The following RBM39 variants were observed in gnomAD, a reference collection of about 807,000 sequenced individuals.
RBM39 encodes RNA-binding protein 39.
Under a neutral mutation model 79.6 loss-of-function variants are expected in RBM39, and 12 were observed. The ratio of observed to expected loss-of-function variants is 0.15; its 90% CI spans 0.10 to 0.24. The LOEUF (loss-of-function observed/expected upper bound fraction) is 0.24. Ranked by LOEUF, RBM39 falls within the 10% of genes least tolerant of loss-of-function variation. The pLI is 1.00. For synonymous variants in RBM39, 185 were observed against 208.4 expected, an observed-to-expected ratio of 0.89 and a Z score of 0.97; for missense variants, 243 against 653.4, an observed-to-expected ratio of 0.37 and a Z score of 6.85.
At position 35,703,057 on chromosome 20, in the gene RBM39, TG is replaced by T. The variant is rs892705778; in HGVS notation, c.*1423del. 6.6e-6 allele frequency: 1 copy of T among 151,654 alleles called. No homozygotes were observed. The highest frequency in any genetic ancestry group is 2.4e-5 in the African/African-American group (1 of 41,276). The allele number at this position is 151,654 out of a possible 1,614,324, so 9.4% of individuals were successfully genotyped here. On this transcript the variant is annotated 3_prime_UTR_variant, in exon 17 of 17. Coordinates refer to ENST00000253363, the MANE Select transcript of RBM39 (RefSeq NM_184234.3). Reference sequence around the variant, plus strand: ...CTTCAATGCTAACAAAAAAAAAAGTTGAACAAATGAGGTAAGGAACTCAGTA... The same window carrying T: ...CTTCAATGCTAACAAAAAAAAAAGTTAACAAATGAGGTAAGGAACTCAGTA...
At chr20:35,730,521 T>G (rs1412868305) in intron 4 of RBM39, among the ~76,000 whole-genome samples, 1 of 152,192 alleles carries the variant, frequency 6.6e-6, no homozygotes, top group Admixed American at 6.5e-5. Context: ...ATTTACTGGA[T>G]GTATTACAGT....
At chr20:35,705,600 C>A (rs1451884715) in intron 14 of RBM39, among the ~76,000 whole-genome samples, 1 of 151,844 alleles carries the variant, frequency 6.6e-6, no homozygotes, top group African/African-American at 2.4e-5. Context: ...GAGTTTGAGA[C>A]CAGCCTGGCC....
intron 6 of RBM39, among the ~76,000 whole-genome samples, chr20:35,727,414 A>AAAAC (rs952063826): frequency 3.3e-5 from 5 of 151,742 alleles, no homozygotes; most frequent in African/African-American, 1.2e-4. Flanking sequence ...AAAAAAAAAA[A>AAAAC]AACACCCACA....
At chr20:35,724,891 C>CT (rs1159706416) in intron 7 of RBM39, 147 bp downstream of exon 7, 1 of 998,412 alleles carries the variant, frequency 1.0e-6, no homozygotes, top group Non-Finnish European at 1.5e-6. Flanking sequence ...TTTGTAGTAA[C>CT]ATTTATCAAC....
chr20:35,709,940 G>C (rs192871083), intron 12 of RBM39, among the ~76,000 whole-genome samples: 2 of 152,212 alleles, frequency 1.3e-5, no homozygotes, highest in Admixed American at 1.3e-4. Context: ...TAAAAGCTAT[G>C]AAGTTTAGGA....
intron 3 of RBM39, among the ~76,000 whole-genome samples, chr20:35,735,385 T>A (rs1014355025): frequency 1.3e-5 from 2 of 152,208 alleles, no homozygotes. Context: ...ATAACTTTGT[T>A]CCTTTTACTA....
At chr20:35,729,553 T>C (rs575800144) in intron 4 of RBM39, 26 bp from the exon 5 acceptor site, 1 of 1,603,786 alleles carries the variant, frequency 6.2e-7, no homozygotes, top group South Asian at 1.1e-5. Context: ...AAAATTACAC[T>C]AGTTACAGGT....
intron 12 of RBM39, chr20:35,710,385 A>G (rs1286471224): frequency 6.6e-6 from 1 of 152,248 alleles, no homozygotes; most frequent in Admixed American, 6.5e-5. Flanking sequence ...CAGTGTCAAT[A>G]AACTTTAAAT....
At chr20:35,710,833 T>C (rs773046243) in intron 12 of RBM39, among the ~76,000 whole-genome samples, 19 of 152,148 alleles carry the variant, frequency 1.2e-4, no homozygotes, top group Non-Finnish European at 1.9e-4. Context: ...TAAAACAGAA[T>C]GATCTTTAAA....
At chr20:35,705,746 C>T (rs767847235) in intron 14 of RBM39, among the ~76,000 whole-genome samples, 1 of 148,632 alleles carries the variant, frequency 6.7e-6, no homozygotes, top group Non-Finnish European at 1.5e-5. Context: ...TGCAGTGAGC[C>T]AGTATCAAAT....
At chr20:35,706,853 C>T (rs1474341159) in intron 14 of RBM39, among the ~76,000 whole-genome samples, 1 of 151,622 alleles carries the variant, frequency 6.6e-6, no homozygotes, top group Non-Finnish European at 1.5e-5. Flanking sequence ...CATGGTGAAA[C>T]CCCATCTCTA....
rs530351602 is a variant in RBM39 at position 35,722,021 on chromosome 20, T to C, written c.688-144A>G. The C allele has an allele frequency of 8.2e-4, 741 of 906,864 alleles. 1 individual carries two copies. The highest frequency in any genetic ancestry group is 5.9e-3 in the Middle Eastern group (18 of 3,064). 56.2% of individuals were successfully genotyped at this position (906,864 alleles called of 1,614,324 possible). A position where few individuals can be genotyped will look rare whatever the true frequency, so the allele number is the denominator to read the frequency against. ...AGTCAGATACTACATATCAACTTAA[T>C]AGGAGGCATCTAGAATATGCAAAAT... is the stretch of plus-strand genomic sequence containing the variant. On this transcript the variant is annotated intron_variant, in intron 8 of 16. Coordinates refer to ENST00000253363, the MANE Select transcript of RBM39 (RefSeq NM_184234.3).
chr20:35,740,685 T>C (rs2040406206), intron 2 of RBM39, 139 bp downstream of exon 2: 1 of 1,314,522 alleles, frequency 7.6e-7, no homozygotes. Context: ...TATATTTACT[T>C]TTGTAAGTTA....
chr20:35,740,451 T>A, intron 2 of RBM39: 1 of 904,240 alleles, frequency 1.1e-6, no homozygotes, highest in Non-Finnish European at 1.6e-6. Context: ...TATACCAAAC[T>A]GGAGGTGGTA....
intron 8 of RBM39, among the ~76,000 whole-genome samples, chr20:35,722,263 C>T (rs1600503097): frequency 6.6e-6 from 1 of 151,648 alleles, no homozygotes; most frequent in Non-Finnish European, 1.5e-5. Flanking sequence ...AAAAATTAGC[C>T]GGGTGCGGTG....
chr20:35,707,367 T>C, intron 13 of RBM39, 166 bp from the exon 14 acceptor site: 1 of 417,642 alleles, frequency 2.4e-6, no homozygotes. Context: ...ATCAGTAGCT[T>C]TTAGGTGCCA....
intron 11 of RBM39, 97 bp from the exon 12 acceptor site, chr20:35,713,193 T>G: frequency 9.5e-7 from 1 of 1,055,822 alleles, no homozygotes; most frequent in Non-Finnish European, 1.4e-6. Flanking sequence ...TAAAATAAAT[T>G]GCAAGGAGGG....
chr20:35,732,096 T>G lies in RBM39; in HGVS notation c.141A>C (p.Arg47=). 6.2e-7 allele frequency: 1 copy of G among 1,614,116 alleles called. No individual in the cohort carries two copies. Among genetic ancestry groups the G allele is most frequent in the South Asian group, 1.1e-5 (1 of 91,086 alleles). ...TCCGTTCCTTACTTTTGCTTCTCTT[T>G]CGTTCATGACTACGACTTCTGCTCT... The part of the protein sequence containing the change: ...KSKSRSRSHE[R]KRSKSKERKR... The change falls in exon 4 of 17, where the codon CGA becomes CGC. Residue 47 remains arginine (R), a synonymous_variant. Transcript: ENST00000253363.
Position 35,725,171 on chromosome 20 carries a change from CAT to C in RBM39, c.417-18_417-17del, listed in dbSNP as rs770139210. ...AATAGGTTCTCTAATAGGAGTAAAA[CAT>C]ATAAAATTAATTTCATAACAGATTT... On this transcript the variant is annotated splice_polypyrimidine_tract_variant and intron_variant, in intron 6 of 16. Coordinates refer to ENST00000253363, the MANE Select transcript of RBM39 (RefSeq NM_184234.3). 1.5e-5 allele frequency: 21 copies of C among 1,379,988 alleles called. No homozygotes were observed. Among genetic ancestry groups the C allele is most frequent in the Middle Eastern group, 2.5e-4 (1 of 4,028 alleles). The allele number at this position is 1,379,988 out of a possible 1,614,324, so 85.5% of individuals were successfully genotyped here. A position where few individuals can be genotyped will look rare whatever the true frequency, so the allele number is the denominator to read the frequency against.
Sources: gnomAD v4.1 joint callset for allele counts (sites outside exome capture counted in the v4.1 genomes callset) on GRCh38, gnomAD v4.1.1 for gene constraint, MANE v1.5 for transcripts, NCBI Gene and HGNC (gene_info 2026-07-23, HGNC 2026-07-21) for gene names.